Variants in LPP observed in about 807,000 individuals in gnomAD.
LPP encodes lipoma-preferred partner.
A neutral mutation model predicts 60.4 loss-of-function variants in LPP; 38 were observed. That is an observed-to-expected ratio of 0.63 (90% CI 0.49 to 0.83). The LOEUF (loss-of-function observed/expected upper bound fraction) is 0.83, where lower values mean the gene tolerates loss of function less well. Among genes scored for constraint, LPP ranks in the 40% least tolerant of loss-of-function variants. The pLI is 0.00. For synonymous variants in LPP, 328 were observed against 290.8 expected (o/e 1.13, Z -1.30); for missense variants, 902 against 783.6 (o/e 1.15, Z -1.80).
At chr3:188,219,428 A>G (rs1410762208) in intron 1 of LPP, among the ~76,000 whole-genome samples, 1 of 152,148 alleles carries the variant, frequency 6.6e-6, no homozygotes, top group African/African-American at 2.4e-5. Flanking sequence ...TCTATGAAAT[A>G]GGTGTAGATT....
At chr3:188,828,973 A>C (rs1270385375) in intron 9 of LPP, among the ~76,000 whole-genome samples, 1 of 152,108 alleles carries the variant, frequency 6.6e-6, no homozygotes, top group African/African-American at 2.4e-5. Context: ...CAAAATATCT[A>C]TAGTTTTGTC....
At chr3:188,432,662 G>T (rs763137240) in intron 4 of LPP, among the ~76,000 whole-genome samples, 1 of 151,936 alleles carries the variant, frequency 6.6e-6, no homozygotes, top group Non-Finnish European at 1.5e-5. Context: ...CTTCCAAGTT[G>T]TATGAGGATA....
At chr3:188,641,335 T>A (rs1850077076) in intron 7 of LPP, among the ~76,000 whole-genome samples, 1 of 152,188 alleles carries the variant, frequency 6.6e-6, no homozygotes, top group South Asian at 2.1e-4. Flanking sequence ...AGAGGACACA[T>A]GCATAGAAGT....
intron 1 of LPP, among the ~76,000 whole-genome samples, chr3:188,218,279 G>A (rs1003457663): frequency 6.6e-6 from 1 of 152,182 alleles, no homozygotes; most frequent in African/African-American, 2.4e-5. Flanking sequence ...TTAACAGGCT[G>A]GGCTTTCCTG....
At chr3:188,579,881 G>A (rs1436300984) in intron 6 of LPP, among the ~76,000 whole-genome samples, 1 of 126,836 alleles carries the variant, frequency 7.9e-6, no homozygotes, top group Admixed American at 8.0e-5. Context: ...GGTTGGGGGG[G>A]TTGGGGGTGG....
chr3:188,245,784 C>T (rs573522547), intron 2 of LPP, among the ~76,000 whole-genome samples: 1 of 151,990 alleles, frequency 6.6e-6, no homozygotes, highest in Admixed American at 6.6e-5. Flanking sequence ...CTCGGTGATC[C>T]TCCCACCTCG....
At chr3:188,388,646 A>G (rs936803836) in intron 3 of LPP, among the ~76,000 whole-genome samples, 1 of 152,230 alleles carries the variant, frequency 6.6e-6, no homozygotes, top group African/African-American at 2.4e-5. Flanking sequence ...GTCAGCGTTA[A>G]TGAAAAACTT....
At chr3:188,463,329 A>G (rs964039426) in intron 4 of LPP, among the ~76,000 whole-genome samples, 1 of 150,442 alleles carries the variant, frequency 6.6e-6, no homozygotes, top group African/African-American at 2.5e-5. Context: ...AACTAGGACT[A>G]TAGGTGTGTG....
At chr3:188,663,618 C>T (rs1357318477) in intron 7 of LPP, among the ~76,000 whole-genome samples, 1 of 152,164 alleles carries the variant, frequency 6.6e-6, no homozygotes, top group Non-Finnish European at 1.5e-5. Flanking sequence ...GTGTTACCAT[C>T]TTCTGACCCA....
intron 2 of LPP, among the ~76,000 whole-genome samples, chr3:188,288,996 A>C (rs1560204719): frequency 6.6e-6 from 1 of 152,106 alleles, no homozygotes; most frequent in Non-Finnish European, 1.5e-5. Context: ...CTTATTTCTT[A>C]GGAAATGTAT....
Position 188,631,042 on chromosome 3 carries a change from G to A in LPP, c.1113+21198G>A, listed in dbSNP as rs79373521. Reference sequence around the variant, plus strand: ...ACTTGGTGTAGAGGCTAGGAGAAGGGTGAGGGTCGAAAAACTATCTATTGG... The same window carrying A: ...ACTTGGTGTAGAGGCTAGGAGAAGGATGAGGGTCGAAAAACTATCTATTGG... On this transcript the variant is annotated intron_variant, in intron 7 of 11. Coordinates refer to ENST00000617246, the MANE Select transcript of LPP (RefSeq NM_001375462.1). 5.1e-3 allele frequency among the ~76,000 whole-genome samples: 782 copies of A among 152,172 alleles called. 1 individual carries two copies. The highest frequency in any genetic ancestry group is 0.01 in the Middle Eastern group (3 of 294).
At chr3:188,815,310 A>G (rs1410674576) in intron 9 of LPP, among the ~76,000 whole-genome samples, 1 of 152,186 alleles carries the variant, frequency 6.6e-6, no homozygotes, top group East Asian at 1.9e-4. Context: ...CCAATACAAT[A>G]CAAGCATAAT....
intron 1 of LPP, among the ~76,000 whole-genome samples, chr3:188,170,893 A>G (rs187242123): frequency 2.0e-5 from 3 of 152,328 alleles, no homozygotes; most frequent in Admixed American, 2.0e-4. Flanking sequence ...AGCAACCAGC[A>G]GATGGAACAT....
At chr3:188,731,608 C>T (rs992750267) in intron 8 of LPP, among the ~76,000 whole-genome samples, 3 of 150,696 alleles carry the variant, frequency 2.0e-5, no homozygotes, top group African/African-American at 7.3e-5. Context: ...CTGCAACCTC[C>T]GCCTCCTGGG....
Position 188,880,747 on chromosome 3 carries a change from A to G in LPP, c.*6268A>G. 5.4e-6 allele frequency: 1 copy of G among 184,220 alleles called. No individual in the cohort carries two copies. Among genetic ancestry groups the G allele is most frequent in the Non-Finnish European group, 1.2e-5 (1 of 86,668 alleles). The allele number at this position is 184,220 out of a possible 1,614,324, so 11.4% of individuals were successfully genotyped here. On this transcript the variant is annotated 3_prime_UTR_variant, in exon 12 of 12. Transcript: ENST00000617246. The stretch of plus-strand genomic sequence containing the variant: ...CTTGGCACTGAATGTAGCTTCTAAA[A>G]TCAGTTCTCTACCCTACGAATGGAA...
chr3:188,264,796 G>GTC (rs386398830), intron 2 of LPP, among the ~76,000 whole-genome samples: 3 of 151,696 alleles, frequency 2.0e-5, no homozygotes, highest in African/African-American at 7.3e-5. Context: ...CTCTGTGTGT[G>GTC]TCTCTCTCTC....
At chr3:188,336,639 A>C (rs1049690791) in intron 2 of LPP, among the ~76,000 whole-genome samples, 10 of 152,156 alleles carry the variant, frequency 6.6e-5, no homozygotes, top group African/African-American at 2.2e-4. Flanking sequence ...TTGTGCCCTG[A>C]GTGGGGGCAG....
intron 7 of LPP, among the ~76,000 whole-genome samples, chr3:188,693,518 G>A (rs1351785506): frequency 6.6e-6 from 1 of 152,154 alleles, no homozygotes; most frequent in Non-Finnish European, 1.5e-5. Flanking sequence ...AGGCAAGATA[G>A]AGGCCAGCTT....
chr3:188,852,557 G>A (rs2151867654), intron 9 of LPP, among the ~76,000 whole-genome samples: 1 of 152,276 alleles, frequency 6.6e-6, no homozygotes, highest in Admixed American at 6.5e-5. Flanking sequence ...TAGTTATTGA[G>A]AGAGTAGGAT....
Sources: gnomAD v4.1 joint callset for allele counts (sites outside exome capture counted in the v4.1 genomes callset) on GRCh38, gnomAD v4.1.1 for gene constraint, MANE v1.5 for transcripts, NCBI Gene and HGNC (gene_info 2026-07-23, HGNC 2026-07-21) for gene names.